The following DSCAM variants were observed in gnomAD, a reference collection of about 807,000 sequenced individuals.
DSCAM encodes the protein cell adhesion molecule DSCAM.
DSCAM carries 47 observed loss-of-function variants against 217.7 expected under a neutral mutation model. The ratio of observed to expected loss-of-function variants is 0.22; its 90% confidence interval spans 0.17 to 0.28. The LOEUF (loss-of-function observed/expected upper bound fraction) is 0.28. Among genes scored for constraint, DSCAM ranks in the 10% least tolerant of loss-of-function variants. The pLI, the probability that DSCAM is intolerant of heterozygous loss-of-function variation, is 1.00. For missense variants in DSCAM, 2,080 were observed against 2,618.3 expected, an observed-to-expected ratio of 0.79 and a Z score of 4.49; for synonymous variants, 1,056 against 1,015.3, an observed-to-expected ratio of 1.04 and a Z score of -0.76.
intron 3 of DSCAM, among the ~76,000 whole-genome samples, chr21:40,410,784 A>T (rs1373463607): frequency 6.6e-6 from 1 of 151,816 alleles, no homozygotes; most frequent in African/African-American, 2.4e-5. Flanking sequence ...CAAAAAAGTA[A>T]GTAAAGTTGA....
intron 3 of DSCAM, among the ~76,000 whole-genome samples, chr21:40,655,057 C>A (rs756806442): frequency 6.6e-6 from 1 of 151,990 alleles, no homozygotes; most frequent in African/African-American, 2.4e-5. Context: ...AGGGAGATTC[C>A]GAAGCAGCCA....
At chr21:40,451,701 A>G (rs1488301472) in intron 3 of DSCAM, among the ~76,000 whole-genome samples, 3 of 152,190 alleles carry the variant, frequency 2.0e-5, no homozygotes, top group Admixed American at 2.0e-4. Context: ...CAAATAAATC[A>G]AATCACTAGG....
At chr21:40,198,171 A>C (rs1210809464) in intron 11 of DSCAM, among the ~76,000 whole-genome samples, 2 of 152,260 alleles carry the variant, frequency 1.3e-5, no homozygotes, top group African/African-American at 4.8e-5. Context: ...CACAATTTGC[A>C]GGACCCAGAG....
chr21:40,363,982 C>T (rs1386574592), intron 4 of DSCAM, among the ~76,000 whole-genome samples: 1 of 152,098 alleles, frequency 6.6e-6, no homozygotes, highest in Admixed American at 6.6e-5. Context: ...AATGAGATAC[C>T]ATCTTACACC....
chr21:40,273,865 C>A (rs1601507099), intron 11 of DSCAM, among the ~76,000 whole-genome samples: 1 of 152,152 alleles, frequency 6.6e-6, no homozygotes, highest in East Asian at 1.9e-4. Context: ...GACACTAATT[C>A]CATCCCTGAG....
intron 1 of DSCAM, among the ~76,000 whole-genome samples, chr21:40,737,380 G>A (rs985440445): frequency 6.6e-6 from 1 of 152,164 alleles, no homozygotes; most frequent in Non-Finnish European, 1.5e-5. Context: ...GCTCACGCCT[G>A]TAATGCCAGC....
At chr21:40,123,183 C>T (rs538466323) in intron 20 of DSCAM, among the ~76,000 whole-genome samples, 5 of 152,118 alleles carry the variant, frequency 3.3e-5, no homozygotes, top group South Asian at 2.1e-4. Flanking sequence ...GACAGAGTTT[C>T]GGTTTTGTAG....
Position 40,075,221 on chromosome 21 carries a change from C to T in DSCAM, c.4712-8G>A, listed in dbSNP as rs748274856. ...TGAGTGGAGGAATTGTACCTGAAAG[C>T]AGGGCCACGGTGTTAGATGGCTATT... On this transcript the variant is annotated splice_region_variant and splice_polypyrimidine_tract_variant and intron_variant, in intron 26 of 32. Transcript: ENST00000400454. The T allele has an allele frequency of 6.2e-7, 1 of 1,614,102 alleles. No homozygotes were observed.
At chr21:40,692,746 T>C in intron 3 of DSCAM, 64 bp downstream of exon 3, 1 of 1,542,058 alleles carries the variant, frequency 6.5e-7, no homozygotes, top group Non-Finnish European at 8.9e-7. Flanking sequence ...CCCGATTCCA[T>C]CTCTGAAATA....
At chr21:40,057,145 C>T (rs1053348621) in intron 28 of DSCAM, among the ~76,000 whole-genome samples, 3 of 152,196 alleles carry the variant, frequency 2.0e-5, no homozygotes, top group Non-Finnish European at 4.4e-5. Flanking sequence ...GATCTTGAAC[C>T]AGATTGCTTG....
At chr21:40,715,757 A>G (rs2090835150) in intron 1 of DSCAM, among the ~76,000 whole-genome samples, 1 of 152,218 alleles carries the variant, frequency 6.6e-6, no homozygotes, top group Admixed American at 6.5e-5. Flanking sequence ...GGAATGAGGT[A>G]ACTGTCACTC....
intron 3 of DSCAM, among the ~76,000 whole-genome samples, chr21:40,372,766 A>G (rs2074911487): frequency 6.6e-6 from 1 of 152,206 alleles, no homozygotes; most frequent in East Asian, 1.9e-4. Flanking sequence ...GAGTTAGAAA[A>G]CAGACATATC....
At chr21:40,482,548 C>G (rs1033221255) in intron 3 of DSCAM, among the ~76,000 whole-genome samples, 1 of 152,068 alleles carries the variant, frequency 6.6e-6, no homozygotes, top group Non-Finnish European at 1.5e-5. Context: ...AAAAATTGGA[C>G]TAAAGGAAAA....
chr21:40,837,652 T>A (rs1297842891), intron 1 of DSCAM, among the ~76,000 whole-genome samples: 1 of 152,216 alleles, frequency 6.6e-6, no homozygotes, highest in Non-Finnish European at 1.5e-5. Flanking sequence ...GAGGATTCTG[T>A]CTGTTAGACA....
chr21:40,067,848 C>T, intron 27 of DSCAM, among the ~76,000 whole-genome samples: 1 of 150,894 alleles, frequency 6.6e-6, no homozygotes, highest in Non-Finnish European at 1.5e-5. Flanking sequence ...TGGTACACAT[C>T]AAGCAAAGCA....
chr21:40,782,758 A>T (rs1460643353), intron 1 of DSCAM, among the ~76,000 whole-genome samples: 2 of 152,180 alleles, frequency 1.3e-5, no homozygotes, highest in African/African-American at 2.4e-5. Context: ...AATAAATAAA[A>T]AAAAATCACT....
At chr21:40,681,914 G>A (rs993641064) in intron 3 of DSCAM, among the ~76,000 whole-genome samples, 2 of 152,182 alleles carry the variant, frequency 1.3e-5, no homozygotes, top group Non-Finnish European at 2.9e-5. Context: ...CAGGTGCTGG[G>A]AGGCCTGACA....
At chr21:40,833,729 C>T (rs1186744772) in intron 1 of DSCAM, among the ~76,000 whole-genome samples, 1 of 152,206 alleles carries the variant, frequency 6.6e-6, no homozygotes, top group Non-Finnish European at 1.5e-5. Flanking sequence ...AGATTCATGA[C>T]ATTTTCCTTC....
chr21:40,275,384 C>A (rs2073673374), intron 11 of DSCAM, among the ~76,000 whole-genome samples: 1 of 152,058 alleles, frequency 6.6e-6, no homozygotes, highest in South Asian at 2.1e-4. Flanking sequence ...GAAGAAATCA[C>A]AGTTCATTCG....
Sources: gnomAD v4.1 joint callset for allele counts (sites outside exome capture counted in the v4.1 genomes callset) on GRCh38, gnomAD v4.1.1 for gene constraint, MANE v1.5 for transcripts, NCBI Gene and HGNC (gene_info 2026-07-23, HGNC 2026-07-21) for gene names.